The following PPP3R2 variants were observed in gnomAD, a reference collection of about 807,000 sequenced individuals.
PPP3R2 encodes protein phosphatase 3 regulatory subunit B, beta.
For missense variants in PPP3R2, 225 were observed against 217.4 expected (o/e 1.03, Z -0.22); for synonymous variants, 91 against 91.5 (o/e 0.99, Z 0.03).
At position 101,591,905 on chromosome 9, in the gene PPP3R2, T is replaced by G. The variant is rs1828031422; in HGVS notation, c.*2504A>C. On this transcript the variant is annotated 3_prime_UTR_variant, in exon 1 of 1. Coordinates refer to ENST00000374806, the MANE Select transcript of PPP3R2 (RefSeq NM_147180.4). ...ACTGAAACACATTTCCTCTCTTTGT[T>G]AAATGTGAGCATGTAATCCAATATG... 1 of 152,220 alleles carries G rather than the reference T, an allele frequency of 6.6e-6. No homozygotes were observed. Among genetic ancestry groups the G allele is most frequent in the Non-Finnish European group, 1.5e-5 (1 of 68,030 alleles). 9.4% of individuals were successfully genotyped at this position (152,220 alleles called of 1,614,324 possible).
chr9:101,592,809 A>G lies in PPP3R2; in HGVS notation c.*1600T>C, dbSNP rs546929861. ...ACCAGTTGCCAGCTTCTTCCAAATA[A>G]AATAGCAGTAAATCTCCTTGAAACA... On this transcript the variant is annotated 3_prime_UTR_variant, in exon 1 of 1. Transcript: ENST00000374806. The G allele has an allele frequency of 4.6e-5, 7 of 152,242 alleles. No individual in the cohort carries two copies. In the South Asian group the frequency reaches 1.5e-3, roughly 32 times the overall value. The allele number at this position is 152,242 out of a possible 1,614,324, so 9.4% of individuals were successfully genotyped here.
At position 101,593,812 on chromosome 9, in the gene PPP3R2, T is replaced by G. The variant is rs1828067108; in HGVS notation, c.*597A>C. On this transcript the variant is annotated 3_prime_UTR_variant, in exon 1 of 1. Coordinates refer to ENST00000374806, the MANE Select transcript of PPP3R2 (RefSeq NM_147180.4). ...CAAGTCAGGAGGAGGCCAAATGAAC[T>G]CCTACCCCTCAAACATGCACAGCGA... 6.6e-6 allele frequency: 1 copy of G among 152,384 alleles called. No homozygotes were observed. Among genetic ancestry groups the G allele is most frequent in the African/African-American group, 2.4e-5 (1 of 41,400 alleles). The allele number at this position is 152,384 out of a possible 1,614,324, so 9.4% of individuals were successfully genotyped here. A position where few individuals can be genotyped will look rare whatever the true frequency, so the allele number is the denominator to read the frequency against.
Position 101,591,922 on chromosome 9 carries a change from T to A in PPP3R2, c.*2487A>T, listed in dbSNP as rs945388103. ...CTCTTTGTTAAATGTGAGCATGTAA[T>A]CCAATATGTTTCAAGCCCTTGGTCA... is the stretch of plus-strand genomic sequence containing the variant. On this transcript the variant is annotated 3_prime_UTR_variant, in exon 1 of 1. Transcript: ENST00000374806. 1 of 152,200 alleles carries A rather than the reference T, an allele frequency of 6.6e-6. No individual in the cohort carries two copies. The highest frequency in any genetic ancestry group is 1.5e-5 in the Non-Finnish European group (1 of 68,026). 9.4% of individuals were successfully genotyped at this position (152,200 alleles called of 1,614,324 possible).
At position 101,594,254 on chromosome 9, in the gene PPP3R2, A is replaced by C; in HGVS notation, c.*155T>G. On this transcript the variant is annotated 3_prime_UTR_variant, in exon 1 of 1. Transcript: ENST00000374806. ...CATTCAGAGAAGGAGAATTAATAGC[A>C]CTGAGTTGGTGATGAAGCTCCTGTT... The C allele has an allele frequency of 1.1e-6, 1 of 917,064 alleles. No homozygotes were observed. Among genetic ancestry groups the C allele is most frequent in the Non-Finnish European group, 1.6e-6 (1 of 623,070 alleles). The allele number at this position is 917,064 out of a possible 1,614,324, so 56.8% of individuals were successfully genotyped here. A position where few individuals can be genotyped will look rare whatever the true frequency, so the allele number is the denominator to read the frequency against.
Position 101,593,893 on chromosome 9 carries a change from TTC to T in PPP3R2, c.*514_*515del, listed in dbSNP as rs1161202048. Reference sequence around the variant, plus strand: ...CAATCTGCCGAAGGAAAAGATGGGATTCTGTCCCCTAAGAAAAGTGATTACGA... The same window carrying T: ...CAATCTGCCGAAGGAAAAGATGGGATTGTCCCCTAAGAAAAGTGATTACGA... On this transcript the variant is annotated 3_prime_UTR_variant, in exon 1 of 1. Transcript: ENST00000374806. 1 of 153,190 alleles carries T rather than the reference TTC, an allele frequency of 6.5e-6. No individual in the cohort carries two copies. Among genetic ancestry groups the T allele is most frequent in the African/African-American group, 2.4e-5 (1 of 41,420 alleles). The allele number at this position is 153,190 out of a possible 1,614,324, so 9.5% of individuals were successfully genotyped here.
chr9:101,594,787 G>C lies in PPP3R2; in HGVS notation c.135C>G (p.Ser45=), dbSNP rs139403132. The C allele has an allele frequency of 4.3e-6, 7 of 1,613,592 alleles. No individual in the cohort carries two copies. Among genetic ancestry groups the C allele is most frequent in the Non-Finnish European group, 5.9e-6 (7 of 1,180,026 alleles). Residue 45 remains serine, a synonymous_variant, in exon 1 of 1, where the codon TCC becomes TCG. Coordinates refer to ENST00000374806, the MANE Select transcript of PPP3R2 (RefSeq NM_147180.4). ...SGSLSVEEFM[S]LPELRHNPLV... is the part of the protein sequence containing the mutation. ...ACGGGTTGTGGCGCAGCTCCGGCAG[G>C]GACATGAACTCCTCCACGCTCAGAG... is the stretch of plus-strand genomic sequence containing the variant.
At position 101,594,408 on chromosome 9, in the gene PPP3R2, C is replaced by T. The variant is rs754616656; in HGVS notation, c.*1G>A. ...TTGGGTGGTGCTTGTAAGAAAAAGGCTCATACGATGAGGACCAGCTTCTTG... is the reference window on the plus strand; with the variant it reads ...TTGGGTGGTGCTTGTAAGAAAAAGGTTCATACGATGAGGACCAGCTTCTTG... On this transcript the variant is annotated 3_prime_UTR_variant, in exon 1 of 1. Transcript: ENST00000374806. The T allele has an allele frequency of 3.1e-6, 5 of 1,594,866 alleles. No individual in the cohort carries two copies. The highest frequency in any genetic ancestry group is 1.1e-5 in the South Asian group (1 of 88,430).
chr9:101,592,709 G>C lies in PPP3R2; in HGVS notation c.*1700C>G, dbSNP rs960373272. 3 of 151,584 alleles carry C rather than the reference G, an allele frequency of 2.0e-5. No individual in the cohort carries two copies. Among genetic ancestry groups the C allele is most frequent in the African/African-American group, 7.3e-5 (3 of 41,270 alleles). The allele number at this position is 151,584 out of a possible 1,614,324, so 9.4% of individuals were successfully genotyped here. ...TATTAAATACAAAAGTATATGGTAG[G>C]GTACCTTGATAGATGGGTTCCCTAC... On this transcript the variant is annotated 3_prime_UTR_variant, in exon 1 of 1. Coordinates refer to ENST00000374806, the MANE Select transcript of PPP3R2 (RefSeq NM_147180.4).
rs1268947780 is a variant in PPP3R2, at chr9:101,591,684, ATTAACTG to A, written c.*2718_*2724del. ...GAACTAGATTTGTTGGCAACTGGCA[ATTAACTG>A]ACAGGAAAAACAAAGCATTCCGATT... On this transcript the variant is annotated 3_prime_UTR_variant, in exon 1 of 1. Coordinates refer to ENST00000374806, the MANE Select transcript of PPP3R2 (RefSeq NM_147180.4). 6.6e-6 allele frequency: 1 copy of A among 152,268 alleles called. No individual in the cohort carries two copies. The highest frequency in any genetic ancestry group is 2.4e-5 in the African/African-American group (1 of 41,480). The allele number at this position is 152,268 out of a possible 1,614,324, so 9.4% of individuals were successfully genotyped here. A position where few individuals can be genotyped will look rare whatever the true frequency, so the allele number is the denominator to read the frequency against.
chr9:101,592,432 C>T lies in PPP3R2; in HGVS notation c.*1977G>A, dbSNP rs1004338148. 7.2e-5 allele frequency: 11 copies of T among 152,018 alleles called. No homozygotes were observed. The highest frequency in any genetic ancestry group is 2.7e-4 in the African/African-American group (11 of 41,382). 9.4% of individuals were successfully genotyped at this position (152,018 alleles called of 1,614,324 possible). Reference sequence around the variant, plus strand: ...TGCCTTTTTGAATCCTCAAAATAACCCTGGGGTGGATCCTCTTTAATTAGG... The same window carrying T: ...TGCCTTTTTGAATCCTCAAAATAACTCTGGGGTGGATCCTCTTTAATTAGG... On this transcript the variant is annotated 3_prime_UTR_variant, in exon 1 of 1. Coordinates refer to ENST00000374806, the MANE Select transcript of PPP3R2 (RefSeq NM_147180.4).
At position 101,594,796 on chromosome 9, in the gene PPP3R2, CTCCT is replaced by C. The variant is rs1828093045; in HGVS notation, c.122_125del (p.Glu41GlyfsTer17). ...GGCGCAGCTCCGGCAGGGACATGAA[CTCCT>C]CCACGCTCAGAGACCCTGATTTGTC... On this transcript the variant is annotated frameshift_variant, in exon 1 of 1. Transcript: ENST00000374806. LOFTEE classifies it low-confidence loss of function (END_TRUNC). 6.2e-7 allele frequency: 1 copy of C among 1,613,132 alleles called. No homozygotes were observed. The highest frequency in any genetic ancestry group is 1.1e-5 in the South Asian group (1 of 91,082).
chr9:101,594,359 A>ATC lies in PPP3R2; in HGVS notation c.*49_*50insGA, dbSNP rs767386807. 2.9e-5 allele frequency: 45 copies of ATC among 1,536,718 alleles called. No individual in the cohort carries two copies. In the East Asian group the frequency reaches 4.3e-4, roughly 15 times the overall value. ...GGACGTCTTGAGCAAATCTTGAAAG[A>ATC]GATAGGGAAGAAAGCAGAAGTTGTT... On this transcript the variant is annotated 3_prime_UTR_variant, in exon 1 of 1. Coordinates refer to ENST00000374806, the MANE Select transcript of PPP3R2 (RefSeq NM_147180.4).
rs1828054751 is a variant in PPP3R2, at chr9:101,593,078, G to A, written c.*1331C>T. 6.6e-6 allele frequency: 1 copy of A among 152,170 alleles called. No homozygotes were observed. The highest frequency in any genetic ancestry group is 2.4e-5 in the African/African-American group (1 of 41,408). The allele number at this position is 152,170 out of a possible 1,614,324, so 9.4% of individuals were successfully genotyped here. ...AGTATGTGGGACACCTCAGGGAGCT[G>A]GTAACATTTGGGGTACAGGCAGTGA... On this transcript the variant is annotated 3_prime_UTR_variant, in exon 1 of 1. Transcript: ENST00000374806.
In PPP3R2 at chr9:101,592,118, T is replaced by A. The variant is rs1419978035; in HGVS notation, c.*2291A>T. 2 of 152,222 alleles carry A rather than the reference T, an allele frequency of 1.3e-5. No homozygotes were observed. Among genetic ancestry groups the A allele is most frequent in the East Asian group, 3.8e-4 (2 of 5,198 alleles). 9.4% of individuals were successfully genotyped at this position (152,222 alleles called of 1,614,324 possible). On this transcript the variant is annotated 3_prime_UTR_variant, in exon 1 of 1. Coordinates refer to ENST00000374806, the MANE Select transcript of PPP3R2 (RefSeq NM_147180.4). Reference sequence around the variant, plus strand: ...TGGGCTGGAATGAGAGATTTTGTTTTAAAAATTCTCCAGTTCTCAGGTCAG... The same window carrying A: ...TGGGCTGGAATGAGAGATTTTGTTTAAAAAATTCTCCAGTTCTCAGGTCAG...
chr9:101,594,945 G>A lies in PPP3R2; in HGVS notation c.-24C>T. 1 of 1,589,758 alleles carries A rather than the reference G, an allele frequency of 6.3e-7. No individual in the cohort carries two copies. Among genetic ancestry groups the A allele is most frequent in the Non-Finnish European group, 8.5e-7 (1 of 1,174,844 alleles). The stretch of plus-strand genomic sequence containing the variant: ...ATTGTGGACATCTGGCAACGGCCAC[G>A]GCTCAAAGGGTCGGAGAGGGGAGCA... On this transcript the variant is annotated 5_prime_UTR_variant, in exon 1 of 1. Transcript: ENST00000374806.
chr9:101,593,575 G>T lies in PPP3R2; in HGVS notation c.*834C>A, dbSNP rs560389634. On this transcript the variant is annotated 3_prime_UTR_variant, in exon 1 of 1. Coordinates refer to ENST00000374806, the MANE Select transcript of PPP3R2 (RefSeq NM_147180.4). ...CTCATTGTCTCCACCTGGGGGTAGG[G>T]ACCAGTGTCGGAGGTGAGAGCACTT... The T allele has an allele frequency of 6.6e-6, 1 of 152,352 alleles. No individual in the cohort carries two copies. Among genetic ancestry groups the T allele is most frequent in the Non-Finnish European group, 1.5e-5 (1 of 68,068 alleles). The allele number at this position is 152,352 out of a possible 1,614,324, so 9.4% of individuals were successfully genotyped here.
At position 101,594,899 on chromosome 9, in the gene PPP3R2, G is replaced by A; in HGVS notation, c.23C>T (p.Pro8Leu). Residue 8 changes from proline (P) to leucine (L), a missense_variant, in exon 1 of 1, where the codon CCG becomes CTG. Pro to Leu is a moderately conservative substitution (Grantham distance 98, BLOSUM62 -3). Coordinates refer to ENST00000374806, the MANE Select transcript of PPP3R2 (RefSeq NM_147180.4). Reference protein sequence around the residue: MGNEASYPAEMCSHFDND... With the variant: MGNEASYLAEMCSHFDND... ...GTCAAAGTGGGAGCACATCTCCGCCGGGTAACTGGCCTCGTTTCCCATTGT... is the reference window on the plus strand; with the variant it reads ...GTCAAAGTGGGAGCACATCTCCGCCAGGTAACTGGCCTCGTTTCCCATTGT... 6 of 1,599,994 alleles carry A rather than the reference G, an allele frequency of 3.8e-6. No homozygotes were observed. The highest frequency in any genetic ancestry group is 2.2e-5 in the East Asian group (1 of 44,864).
At position 101,593,016 on chromosome 9, in the gene PPP3R2, T is replaced by A. The variant is rs1828054037; in HGVS notation, c.*1393A>T. On this transcript the variant is annotated 3_prime_UTR_variant, in exon 1 of 1. Coordinates refer to ENST00000374806, the MANE Select transcript of PPP3R2 (RefSeq NM_147180.4). ...ATGCTGGGACAAGTCCTAGCCCTGC[T>A]CTTCTGAGGACAGTTCATGCTCTGA... 6.6e-6 allele frequency: 1 copy of A among 152,244 alleles called. No individual in the cohort carries two copies. The highest frequency in any genetic ancestry group is 1.5e-5 in the Non-Finnish European group (1 of 68,064). 9.4% of individuals were successfully genotyped at this position (152,244 alleles called of 1,614,324 possible). A position where few individuals can be genotyped will look rare whatever the true frequency, so the allele number is the denominator to read the frequency against.
rs530793149 is a variant in PPP3R2 at position 101,594,260 on chromosome 9, T to G, written c.*149A>C. 2 of 970,628 alleles carry G rather than the reference T, an allele frequency of 2.1e-6. No homozygotes were observed. Among genetic ancestry groups the G allele is most frequent in the Admixed American group, 2.9e-5 (1 of 34,470 alleles). 60.1% of individuals were successfully genotyped at this position (970,628 alleles called of 1,614,324 possible). A position where few individuals can be genotyped will look rare whatever the true frequency, so the allele number is the denominator to read the frequency against. On this transcript the variant is annotated 3_prime_UTR_variant, in exon 1 of 1. Coordinates refer to ENST00000374806, the MANE Select transcript of PPP3R2 (RefSeq NM_147180.4). ...GAGAAGGAGAATTAATAGCACTGAG[T>G]TGGTGATGAAGCTCCTGTTAGGACA...
Sources: gnomAD v4.1 joint callset for allele counts on GRCh38, gnomAD v4.1.1 for gene constraint, MANE v1.5 for transcripts, NCBI Gene and HGNC (gene_info 2026-07-23, HGNC 2026-07-21) for gene names.